Variants in IGF2BP3 observed in about 807,000 individuals in gnomAD.
IGF2BP3 encodes the protein insulin-like growth factor 2 mRNA-binding protein 3.
Under a neutral mutation model 73.8 loss-of-function variants are expected in IGF2BP3, and 9 were observed. The ratio of observed to expected loss-of-function variants is 0.12; its 90% CI spans 0.07 to 0.21. The LOEUF (loss-of-function observed/expected upper bound fraction) is 0.21, where lower values mean the gene tolerates loss of function less well. IGF2BP3 is among the 10% of genes least tolerant of loss of function. The probability of loss-of-function intolerance (pLI) is 1.00; values close to 1 mark genes in which losing one functional copy is unlikely to be tolerated. For synonymous variants in IGF2BP3, 258 were observed against 256.7 expected, an observed-to-expected ratio of 1.01 and a Z score of -0.05; for missense variants, 542 against 714.0, an observed-to-expected ratio of 0.76 and a Z score of 2.75.
intron 6 of IGF2BP3, 31 bp downstream of exon 6, chr7:23,351,274 T>A (rs765655390): frequency 6.2e-7 from 1 of 1,609,250 alleles, no homozygotes. Flanking sequence ...GGAATTCTCA[T>A]GAACACCCAC....
intron 2 of IGF2BP3, among the ~76,000 whole-genome samples, chr7:23,430,558 G>A (rs896970088): frequency 6.6e-6 from 1 of 152,184 alleles, no homozygotes. Flanking sequence ...GTCCAAAGAG[G>A]ACTTCATTCA....
In IGF2BP3 at chr7:23,404,607, A is replaced by G. The variant is rs562439608; in HGVS notation, c.285+14169T>C. The stretch of plus-strand genomic sequence containing the variant: ...AAACTGAGGAAAGGTATTTGTGAAT[A>G]TATACAATAGACATCTAGGCAAGAT... On this transcript the variant is annotated intron_variant, in intron 3 of 14. Coordinates refer to ENST00000258729, the MANE Select transcript of IGF2BP3 (RefSeq NM_006547.3). Among the ~76,000 whole-genome samples, 12 of 152,354 alleles carry G rather than the reference A, an allele frequency of 7.9e-5. No homozygotes were observed. The South Asian group carries it at 2.3e-3, about 29-fold the overall frequency.
chr7:23,321,185 CA>C (rs1784134565), intron 10 of IGF2BP3, among the ~76,000 whole-genome samples: 1 of 152,150 alleles, frequency 6.6e-6, no homozygotes, highest in Admixed American at 6.5e-5. Context: ...TAGGGAGTGC[CA>C]GACAGTGGGC....
chr7:23,333,427 G>C (rs955871104), intron 10 of IGF2BP3, among the ~76,000 whole-genome samples: 1 of 152,184 alleles, frequency 6.6e-6, no homozygotes, highest in East Asian at 1.9e-4. Context: ...CACGTCCAAG[G>C]CTGCTGTTGT....
intron 3 of IGF2BP3, among the ~76,000 whole-genome samples, chr7:23,408,136 A>C (rs1786903114): frequency 6.6e-6 from 1 of 152,198 alleles, no homozygotes; most frequent in Non-Finnish European, 1.5e-5. Context: ...CAAAAAACCC[A>C]CAGCTAACAT....
In IGF2BP3 at chr7:23,344,101, A is replaced by G. The variant is rs146516993; in HGVS notation, c.942-248T>C. ...ACGATTACTGGATACATATAGTTCA[A>G]TCAAGTCCATATTTTAAATAAAGCT... On this transcript the variant is annotated intron_variant, in intron 8 of 14. Transcript: ENST00000258729. Among the ~76,000 whole-genome samples the G allele has an allele frequency of 2.1e-3, 323 of 152,356 alleles. 2 individuals carry two copies. The highest frequency in any genetic ancestry group is 7.2e-3 in the African/African-American group (299 of 41,592).
intron 5 of IGF2BP3, among the ~76,000 whole-genome samples, chr7:23,352,311 CAG>C (rs1168091099): frequency 3.8e-5 from 4 of 106,454 alleles, no homozygotes; most frequent in Admixed American, 2.8e-4. Flanking sequence ...TTTTTGGAGA[CAG>C]AGTCTTGCTC....
At position 23,319,129 on chromosome 7, in the gene IGF2BP3, G is replaced by C; in HGVS notation, c.1320+9C>G. 2 of 1,565,816 alleles carry C rather than the reference G, an allele frequency of 1.3e-6. No homozygotes were observed. The highest frequency in any genetic ancestry group is 8.8e-7 in the Non-Finnish European group (1 of 1,138,916). On this transcript the variant is annotated intron_variant, in intron 11 of 14. Transcript: ENST00000258729. ...AAGAACCAGAGAACCACAGCTGGTAGAACAGTACCTTAATTGAAGCTCCAG... is the reference window on the plus strand; with the variant it reads ...AAGAACCAGAGAACCACAGCTGGTACAACAGTACCTTAATTGAAGCTCCAG...
At chr7:23,338,272 A>T (rs577536188) in intron 10 of IGF2BP3, among the ~76,000 whole-genome samples, 110 of 152,310 alleles carry the variant, frequency 7.2e-4, no homozygotes, top group African/African-American at 2.4e-3. Flanking sequence ...CTTATCCTGA[A>T]CTTTTTCTCC....
chr7:23,402,844 G>A (rs1486115350), intron 3 of IGF2BP3: 1 of 152,176 alleles, frequency 6.6e-6, no homozygotes, highest in African/African-American at 2.4e-5. Flanking sequence ...CACAGCTAAG[G>A]AAGGAATGAT....
chr7:23,353,044 A>G (rs1215818086), intron 5 of IGF2BP3, among the ~76,000 whole-genome samples: 1 of 152,182 alleles, frequency 6.6e-6, no homozygotes, highest in African/African-American at 2.4e-5. Flanking sequence ...CTAACAATAC[A>G]TCCCTTTTTA....
intron 10 of IGF2BP3, among the ~76,000 whole-genome samples, chr7:23,340,849 C>CTT (rs551566879): frequency 2.3e-4 from 32 of 139,376 alleles, no homozygotes; most frequent in African/African-American, 2.4e-4. Context: ...TTTTCTTTTT[C>CTT]TTTTTTTTTT....
chr7:23,425,341 A>G (rs1454557429), intron 2 of IGF2BP3, among the ~76,000 whole-genome samples: 1 of 152,228 alleles, frequency 6.6e-6, no homozygotes, highest in Non-Finnish European at 1.5e-5. Flanking sequence ...CCCCCTTTGT[A>G]TCATTTTAAT....
intron 8 of IGF2BP3, among the ~76,000 whole-genome samples, chr7:23,345,692 A>C (rs1033675835): frequency 4.6e-5 from 7 of 152,276 alleles, no homozygotes; most frequent in Non-Finnish European, 1.0e-4. Flanking sequence ...TAAATGTCAT[A>C]AAACATAGTT....
chr7:23,421,997 T>C (rs1378998255), intron 2 of IGF2BP3, among the ~76,000 whole-genome samples: 3 of 152,050 alleles, frequency 2.0e-5, no homozygotes, highest in Admixed American at 6.5e-5. Context: ...CAGGTTCATC[T>C]TGAACTCCTG....
At chr7:23,323,373 T>C (rs1182903384) in intron 10 of IGF2BP3, among the ~76,000 whole-genome samples, 2 of 144,460 alleles carry the variant, frequency 1.4e-5, no homozygotes, top group East Asian at 4.0e-4. Flanking sequence ...GAGCTAACTA[T>C]CCTAAATATA....
rs75135354 is a variant in IGF2BP3, at chr7:23,451,266, A to G, written c.236+17216T>C. On this transcript the variant is annotated intron_variant, in intron 2 of 14. Coordinates refer to ENST00000258729, the MANE Select transcript of IGF2BP3 (RefSeq NM_006547.3). ...AACCTGGTCTCTACTAAAAATACAA[A>G]AACTAGTCAGGTGTGGTGGTGCATG... Among the ~76,000 whole-genome samples, 57 of 152,180 alleles carry G rather than the reference A, an allele frequency of 3.7e-4. No homozygotes were observed. In the East Asian group the frequency reaches 7.9e-3, roughly 21 times the overall value.
chr7:23,421,417 A>G (rs1399187496), intron 2 of IGF2BP3, among the ~76,000 whole-genome samples: 2 of 152,000 alleles, frequency 1.3e-5, no homozygotes, highest in African/African-American at 4.8e-5. Flanking sequence ...TTGCGGCCGG[A>G]CACAGTGGCT....
At chr7:23,338,200 T>TC (rs1784621941) in intron 10 of IGF2BP3, among the ~76,000 whole-genome samples, 1 of 152,162 alleles carries the variant, frequency 6.6e-6, no homozygotes, top group African/African-American at 2.4e-5. Context: ...GAGTTTTTTT[T>TC]CACTCTTCAA....
Sources: gnomAD v4.1 joint callset for allele counts (sites outside exome capture counted in the v4.1 genomes callset) on GRCh38, gnomAD v4.1.1 for gene constraint, MANE v1.5 for transcripts, NCBI Gene and HGNC (gene_info 2026-07-23, HGNC 2026-07-21) for gene names.